The following ITGA6 variants were observed in gnomAD, a reference collection of about 807,000 sequenced individuals.
ITGA6 encodes the protein integrin alpha-6.
In ITGA6, 63 loss-of-function variants were observed where a neutral mutation model predicts 133.6. The observed-to-expected ratio is 0.47, with a 90% CI of 0.38 to 0.58. The LOEUF (loss-of-function observed/expected upper bound fraction) is 0.58. Among genes scored for constraint, ITGA6 ranks in the 20% least tolerant of loss-of-function variants. ITGA6 has a pLI of 0.00. For synonymous variants in ITGA6, 434 were observed against 482.0 expected (o/e 0.90, Z 1.30); for missense variants, 1,068 against 1,309.4 (o/e 0.82, Z 2.85).
intron 11 of ITGA6, among the ~76,000 whole-genome samples, chr2:172,480,515 A>T (rs1003249488): frequency 1.2e-4 from 18 of 152,220 alleles, no homozygotes; most frequent in African/African-American, 3.6e-4. Flanking sequence ...TCCCTCCCGG[A>T]ACACCCGCCC....
Position 172,431,417 on chromosome 2 carries a change from CA to C in ITGA6, c.182+3450del, listed in dbSNP as rs541861916. Among the ~76,000 whole-genome samples, 7 of 152,314 alleles carry C rather than the reference CA, an allele frequency of 4.6e-5. No individual in the cohort carries two copies. In the South Asian group the frequency reaches 1.0e-3, roughly 23 times the overall value. On this transcript the variant is annotated intron_variant, in intron 1 of 25. Transcript: ENST00000684293. ...AGTGTACTATATTGTGTTGATTTAT[CA>C]AACTGCTTCCCATATGCATAGGTCA...
chr2:172,469,592 C>T (rs1379963107), intron 4 of ITGA6, among the ~76,000 whole-genome samples: 1 of 152,098 alleles, frequency 6.6e-6, no homozygotes, highest in Non-Finnish European at 1.5e-5. Flanking sequence ...TCTACCAGTA[C>T]TTTACTTTAA....
Position 172,471,040 on chromosome 2 carries a change from A to C in ITGA6, c.710A>C (p.Tyr237Ser). 1.2e-6 allele frequency: 2 copies of C among 1,614,128 alleles called. No individual in the cohort carries two copies. Among genetic ancestry groups the C allele is most frequent in the Non-Finnish European group, 1.7e-6 (2 of 1,179,966 alleles). ...FDMNIFEDGP[Y>S]EVGGETEHDE... ...ATGAACATCTTTGAAGATGGGCCTT[A>C]TGAAGTTGGTGGAGAGACTGAGCAT... Residue 237 changes from tyrosine (Y) to serine (S), a missense_variant, in exon 5 of 26, where the codon TAT becomes TCT. This residue lies in a region of ITGA6 where 317 missense variants were observed against 456.9 expected (regional missense o/e 0.69). Coordinates refer to ENST00000684293, the MANE Select transcript of ITGA6 (RefSeq NM_000210.4).
intron 15 of ITGA6, 22 bp from the exon 16 acceptor site, chr2:172,487,525 C>T (rs1382359952): frequency 6.2e-7 from 1 of 1,612,472 alleles, no homozygotes. Context: ...GGATTGTGAC[C>T]TAGCGTGTGT....
intron 1 of ITGA6, chr2:172,464,225 CT>C (rs1685551477): frequency 1.3e-5 from 2 of 152,284 alleles, no homozygotes; most frequent in Non-Finnish European, 2.9e-5. Flanking sequence ...GTGGCACCTG[CT>C]GCATGATATT....
chr2:172,443,825 G>A (rs1684639013), intron 1 of ITGA6, among the ~76,000 whole-genome samples: 1 of 152,204 alleles, frequency 6.6e-6, no homozygotes, highest in Admixed American at 6.5e-5. Flanking sequence ...CCAGGCTGGA[G>A]TACGAGTGGT....
intron 23 of ITGA6, among the ~76,000 whole-genome samples, chr2:172,492,077 C>T (rs192681899): frequency 5.9e-5 from 9 of 152,298 alleles, no homozygotes; most frequent in African/African-American, 2.2e-4. Context: ...TTGAGTTATG[C>T]GTCACATTGG....
chr2:172,431,496 A>G (rs1684104077), intron 1 of ITGA6, among the ~76,000 whole-genome samples: 1 of 152,222 alleles, frequency 6.6e-6, no homozygotes, highest in Admixed American at 6.5e-5. Flanking sequence ...ACTCTATTCC[A>G]GCTGGCCTTG....
chr2:172,465,673 T>G lies in ITGA6; in HGVS notation c.307+10T>G, dbSNP rs1559133412. ...GAGTTTGATAACGATGGTGCGTTCC[T>G]TTCCCTCACTCAGCGTTCACTCCGG... On this transcript the variant is annotated intron_variant, in intron 2 of 25. Transcript: ENST00000684293. The G allele has an allele frequency of 6.2e-7, 1 of 1,614,096 alleles. No homozygotes were observed. Among genetic ancestry groups the G allele is most frequent in the Non-Finnish European group, 8.5e-7 (1 of 1,179,940 alleles).
intron 8 of ITGA6, 56 bp from the exon 9 acceptor site, chr2:172,476,339 G>T: frequency 1.1e-6 from 1 of 938,696 alleles, no homozygotes. Context: ...TCAAAGCATT[G>T]TTAAGAAGCT....
chr2:172,433,516 T>C (rs189677846), intron 1 of ITGA6, among the ~76,000 whole-genome samples: 1 of 152,324 alleles, frequency 6.6e-6, no homozygotes, highest in Non-Finnish European at 1.5e-5. Flanking sequence ...TGCCTTCAGC[T>C]GTGAAGCTAG....
chr2:172,448,476 GTGTCTCTTATATTAT>G (rs1405923467), intron 1 of ITGA6, among the ~76,000 whole-genome samples: 1 of 151,318 alleles, frequency 6.6e-6, no homozygotes, highest in East Asian at 1.9e-4. Flanking sequence ...AATGGCAATA[GTGTCTCTTATATTAT>G]TGTCTCTTAT....
chr2:172,428,613 C>A (rs1683976791), intron 1 of ITGA6: 2 of 151,430 alleles, frequency 1.3e-5, no homozygotes, highest in South Asian at 4.2e-4. Context: ...TGGACTAGAT[C>A]AGCTGAGAAA....
At chr2:172,503,249 T>C (rs1175811956) in intron 25 of ITGA6, among the ~76,000 whole-genome samples, 1 of 152,112 alleles carries the variant, frequency 6.6e-6, no homozygotes. Flanking sequence ...ATTTAAAAAT[T>C]TAATCTCAAT....
Position 172,427,614 on chromosome 2 carries a change from C to T in ITGA6, c.-175C>T. ...GGGCTCATTCAGCGGTCGCGAGCTG[C>T]CCGCGAGGGGGAGCGGCCGGACGGA... On this transcript the variant is annotated 5_prime_UTR_variant, in exon 1 of 26. Coordinates refer to ENST00000684293, the MANE Select transcript of ITGA6 (RefSeq NM_000210.4). 2 of 1,279,004 alleles carry T rather than the reference C, an allele frequency of 1.6e-6. No individual in the cohort carries two copies. Among genetic ancestry groups the T allele is most frequent in the Non-Finnish European group, 9.8e-7 (1 of 1,016,308 alleles). The allele number at this position is 1,279,004 out of a possible 1,614,324, so 79.2% of individuals were successfully genotyped here. A position where few individuals can be genotyped will look rare whatever the true frequency, so the allele number is the denominator to read the frequency against.
At chr2:172,452,252 C>G (rs757950164) in intron 1 of ITGA6, among the ~76,000 whole-genome samples, 1 of 152,132 alleles carries the variant, frequency 6.6e-6, no homozygotes, top group Non-Finnish European at 1.5e-5. Context: ...TCCCTTTGAA[C>G]CTTTGTCCCT....
chr2:172,502,862 C>T (rs1459933920), intron 25 of ITGA6, among the ~76,000 whole-genome samples: 1 of 152,196 alleles, frequency 6.6e-6, no homozygotes, highest in Admixed American at 6.5e-5. Context: ...TGAATCACAA[C>T]ATTGCCATTC....
intron 25 of ITGA6, among the ~76,000 whole-genome samples, chr2:172,503,136 C>T (rs1282087761): frequency 2.0e-5 from 3 of 151,964 alleles, no homozygotes; most frequent in East Asian, 1.9e-4. Context: ...TTACTATTGA[C>T]GTCACACAAT....
chr2:172,460,853 A>C (rs893501845), intron 1 of ITGA6, among the ~76,000 whole-genome samples: 2 of 152,206 alleles, frequency 1.3e-5, no homozygotes, highest in Non-Finnish European at 2.9e-5. Context: ...TAATGGTGCA[A>C]TATTTCATGT....
Sources: allele counts gnomAD v4.1 joint callset (sites outside exome capture counted in the v4.1 genomes callset), GRCh38; gene constraint gnomAD v4.1.1; regional missense constraint gnomAD v4.1.1; transcripts MANE v1.5; gene names NCBI Gene and HGNC (gene_info 2026-07-23, HGNC 2026-07-21).